The following ATP6V0A1 variants were observed in gnomAD, a reference collection of about 807,000 sequenced individuals.
ATP6V0A1 encodes the protein V-type proton ATPase 116 kDa subunit a 1.
Under a neutral mutation model 105.4 loss-of-function variants are expected in ATP6V0A1, and 43 were observed. The ratio of observed to expected loss-of-function variants is 0.41; its 90% confidence interval spans 0.32 to 0.53. The LOEUF is 0.53. Ranked by LOEUF, ATP6V0A1 falls within the 20% of genes least tolerant of loss-of-function variation. The pLI is 0.30. For missense variants in ATP6V0A1, 676 were observed against 1,051.1 expected, an observed-to-expected ratio of 0.64 and a Z score of 4.93; for synonymous variants, 362 against 372.8, an observed-to-expected ratio of 0.97 and a Z score of 0.33.
rs552689714 is a variant in ATP6V0A1 at position 42,487,430 on chromosome 17, C to T, written c.1023+63C>T. 1.9e-4 allele frequency: 292 copies of T among 1,548,374 alleles called. No individual in the cohort carries two copies. The South Asian group carries it at 3.1e-3, about 16-fold the overall frequency. On this transcript the variant is annotated intron_variant, in intron 10 of 21. Transcript: ENST00000343619. ...GAAGAGAGGTTCCCATCAATAGTAA[C>T]ATTAATGTCATTTTTGGCCGGGCGC...
chr17:42,477,484 C>T (rs1269718937), intron 5 of ATP6V0A1, among the ~76,000 whole-genome samples, 176 bp from the exon 6 acceptor site: 1 of 152,128 alleles, frequency 6.6e-6, no homozygotes, highest in Non-Finnish European at 1.5e-5. Flanking sequence ...TCTGTGTTTT[C>T]ATCCCCTATT....
At chr17:42,470,949 C>G (rs2087813919) in intron 5 of ATP6V0A1, 1 of 151,686 alleles carries the variant, frequency 6.6e-6, no homozygotes, top group Non-Finnish European at 1.5e-5. Context: ...ATGGTGAAAC[C>G]CGGTCTCTAC....
intron 4 of ATP6V0A1, 24 bp from the exon 5 acceptor site, chr17:42,470,066 A>G (rs999534441): frequency 1.9e-6 from 3 of 1,573,284 alleles, no homozygotes; most frequent in Non-Finnish European, 2.6e-6. Context: ...AGCTTAGCTT[A>G]ATATATTTTC....
In ATP6V0A1 at chr17:42,458,945, G is replaced by C. The variant is rs987092890; in HGVS notation, c.-66G>C. The C allele has an allele frequency of 6.5e-6, 1 of 153,326 alleles. No individual in the cohort carries two copies. Among genetic ancestry groups the C allele is most frequent in the African/African-American group, 2.4e-5 (1 of 41,468 alleles). 9.5% of individuals were successfully genotyped at this position (153,326 alleles called of 1,614,324 possible). On this transcript the variant is annotated 5_prime_UTR_variant, in exon 1 of 22. Transcript: ENST00000343619. ...GGCTGCGGTGGTTTCTGTGGCGGTT[G>C]CTGTGGCGGAGTTTGGAGGTGAGTG... is the stretch of plus-strand genomic sequence containing the variant.
intron 21 of ATP6V0A1, 80 bp downstream of exon 21, chr17:42,514,540 A>G: frequency 1.4e-6 from 2 of 1,381,706 alleles, no homozygotes; most frequent in East Asian, 4.8e-5. Context: ...TCTCCCACAC[A>G]CAGCCCTGCA....
intron 9 of ATP6V0A1, among the ~76,000 whole-genome samples, chr17:42,484,852 CTT>C (rs10711845): frequency 1.2e-3 from 132 of 112,160 alleles, no homozygotes; most frequent in Middle Eastern, 4.6e-3. Context: ...CTTTTCTTTT[CTT>C]TTTTTTTTTT....
chr17:42,463,983 TTGAGGAGGC>T (rs1022665217), intron 2 of ATP6V0A1, among the ~76,000 whole-genome samples: 1 of 152,136 alleles, frequency 6.6e-6, no homozygotes, highest in Non-Finnish European at 1.5e-5. Context: ...TGTCTTTATG[TTGAGGAGGC>T]TGAGGAGGAG....
chr17:42,514,391 C>T lies in ATP6V0A1; in HGVS notation c.2351C>T (p.Thr784Ile). The T allele has an allele frequency of 6.2e-7, 1 of 1,613,836 alleles. No homozygotes were observed. Among genetic ancestry groups the T allele is most frequent in the South Asian group, 1.1e-5 (1 of 91,026 alleles). The change falls in exon 21 of 22, where the codon ACC becomes ATC. Residue 784 changes from threonine to isoleucine, a missense_variant. By Grantham distance (89) the Thr-to-Ile change is moderately conservative (BLOSUM62 -1). Coordinates refer to ENST00000343619, the MANE Select transcript of ATP6V0A1 (RefSeq NM_001130021.3). Reference protein sequence around the residue: ...VLFFFFTAFATLTVAILLIME... With the variant: ...VLFFFFTAFAILTVAILLIME... ...TTCTTCTTCTTCACTGCCTTTGCCA[C>T]CCTGACCGTGGCCATCCTCCTGATC...
chr17:42,470,785 G>C (rs902706453), intron 5 of ATP6V0A1: 1 of 153,820 alleles, frequency 6.5e-6, no homozygotes, highest in Non-Finnish European at 1.4e-5. Flanking sequence ...AAACTTAGAC[G>C]CATTACCTCA....
chr17:42,472,051 CTT>C (rs11428880), intron 5 of ATP6V0A1, among the ~76,000 whole-genome samples: 4 of 129,936 alleles, frequency 3.1e-5, no homozygotes, highest in Non-Finnish European at 4.8e-5. Context: ...TATAGAGGCC[CTT>C]TTTTTTTTTT....
In ATP6V0A1 at chr17:42,508,552, T is replaced by C. The variant is rs1290468519; in HGVS notation, c.2113-20T>C. 2 of 1,613,818 alleles carry C rather than the reference T, an allele frequency of 1.2e-6. No homozygotes were observed. Among genetic ancestry groups the C allele is most frequent in the African/African-American group, 1.3e-5 (1 of 74,894 alleles). ...GTGTGTGGCGTGGCTCCCCACTAAGTGTAAATTTGTGTTTTCAAGCCTTCC... is the reference window on the plus strand; with the variant it reads ...GTGTGTGGCGTGGCTCCCCACTAAGCGTAAATTTGTGTTTTCAAGCCTTCC... On this transcript the variant is annotated intron_variant, in intron 18 of 21. Coordinates refer to ENST00000343619, the MANE Select transcript of ATP6V0A1 (RefSeq NM_001130021.3).
At chr17:42,489,077 T>A (rs1386317662) in intron 10 of ATP6V0A1, among the ~76,000 whole-genome samples, 1 of 138,398 alleles carries the variant, frequency 7.2e-6, no homozygotes. Flanking sequence ...TGTTTTTTGG[T>A]TTTTTTTTTT....
chr17:42,487,414 T>C, intron 10 of ATP6V0A1, 47 bp downstream of exon 10: 2 of 1,580,006 alleles, frequency 1.3e-6, no homozygotes, highest in Non-Finnish European at 8.7e-7. Context: ...GGAAGAGAGG[T>C]TCCCATCAAT....
chr17:42,478,546 T>A lies in ATP6V0A1; in HGVS notation c.590T>A (p.Leu197Gln), dbSNP rs750432237. The part of the protein sequence containing the change: ...LWRVCRGNVF[L>Q]RQAEIENPLE... The stretch of plus-strand genomic sequence containing the variant: ...CGGGTATGCCGGGGAAATGTGTTCC[T>A]GCGACAGGCTGAAATCGAGAACCCC... Residue 197 changes from leucine (L) to glutamine (Q), a missense_variant, in exon 7 of 22, where the codon CTG (leucine) becomes CAG (glutamine). By Grantham distance (113) the Leu-to-Gln change is moderately radical (BLOSUM62 -2). Around this residue, in one of 3 missense-constraint regions of ATP6V0A1, gnomAD observed 239 missense variants for 388.4 expected, o/e 0.62. Coordinates refer to ENST00000343619, the MANE Select transcript of ATP6V0A1 (RefSeq NM_001130021.3). 2 of 1,606,352 alleles carry A rather than the reference T, an allele frequency of 1.2e-6. No homozygotes were observed. The highest frequency in any genetic ancestry group is 1.7e-6 in the Non-Finnish European group (2 of 1,175,348).
chr17:42,497,713 C>T (rs930322646), intron 14 of ATP6V0A1, among the ~76,000 whole-genome samples: 1 of 148,390 alleles, frequency 6.7e-6, no homozygotes, highest in African/African-American at 2.5e-5. Context: ...AATGCATTTA[C>T]GTGTGATGAC....
chr17:42,495,275 T>C, intron 13 of ATP6V0A1, 87 bp downstream of exon 13: 7 of 1,397,728 alleles, frequency 5.0e-6, no homozygotes, highest in South Asian at 2.5e-5. Flanking sequence ...CTGACACTTC[T>C]TTAGGAAGTG....
At chr17:42,507,681 C>A (rs771281606) in intron 18 of ATP6V0A1, 54 bp downstream of exon 18, 4 of 1,419,504 alleles carry the variant, frequency 2.8e-6, no homozygotes, top group Admixed American at 3.4e-5. Flanking sequence ...CAGCCCTAGT[C>A]TTGTGTACCT....
chr17:42,481,514 G>A (rs1351766410), intron 8 of ATP6V0A1, among the ~76,000 whole-genome samples: 2 of 151,962 alleles, frequency 1.3e-5, no homozygotes, highest in Admixed American at 6.6e-5. Context: ...GAACCACTGT[G>A]CCTGGCCCTA....
chr17:42,509,453 A>G (rs2092234038), intron 19 of ATP6V0A1, among the ~76,000 whole-genome samples: 1 of 152,080 alleles, frequency 6.6e-6, no homozygotes, highest in South Asian at 2.1e-4. Flanking sequence ...GGTCCTCTCT[A>G]GGAGGGCAGT....
Sources: gnomAD v4.1 joint callset for allele counts (sites outside exome capture counted in the v4.1 genomes callset) on GRCh38, gnomAD v4.1.1 for gene constraint, gnomAD v4.1.1 regional missense constraint, MANE v1.5 for transcripts, NCBI Gene and HGNC (gene_info 2026-07-23, HGNC 2026-07-21) for gene names.